ARHGEF3: variants seen among roughly 807,000 people sequenced by gnomAD.
ARHGEF3 encodes Rho guanine nucleotide exchange factor 3.
Under a neutral mutation model 63.2 loss-of-function variants are expected in ARHGEF3, and 28 were observed. The observed-to-expected ratio is 0.44, with a 90% CI of 0.33 to 0.61. ARHGEF3 has a LOEUF of 0.61. Among genes scored for constraint, ARHGEF3 ranks in the 20% least tolerant of loss-of-function variants. The probability of loss-of-function intolerance (pLI) is 0.03; values close to 1 mark genes in which losing one functional copy is unlikely to be tolerated. For synonymous variants in ARHGEF3, 266 were observed against 254.2 expected (o/e 1.05, Z -0.44); for missense variants, 533 against 659.3 (o/e 0.81, Z 2.10).
intron 2 of ARHGEF3, among the ~76,000 whole-genome samples, chr3:56,974,790 C>T (rs996499650): frequency 1.3e-5 from 2 of 152,166 alleles, no homozygotes; most frequent in Non-Finnish European, 2.9e-5. Context: ...AGCCTCACGT[C>T]CCTCCGGAAA....
intron 3 of ARHGEF3, among the ~76,000 whole-genome samples, chr3:56,926,466 C>T (rs9816849): frequency 0.022 from 3,340 of 152,332 alleles, 106 homozygotes; most frequent in African/African-American, 0.072. Context: ...TAGTCAGATG[C>T]TTTTCCTATG....
intron 1 of ARHGEF3, among the ~76,000 whole-genome samples, chr3:57,066,924 A>T (rs1194266149): frequency 6.6e-6 from 1 of 152,104 alleles, no homozygotes; most frequent in Non-Finnish European, 1.5e-5. Flanking sequence ...CCTGGCCTCC[A>T]CAATCACATG....
intron 1 of ARHGEF3, among the ~76,000 whole-genome samples, chr3:57,041,584 A>G (rs894537879): frequency 6.6e-6 from 1 of 152,160 alleles, no homozygotes; most frequent in Non-Finnish European, 1.5e-5. Flanking sequence ...AAACAACAAA[A>G]TCAAGACTCC....
At chr3:57,074,360 CA>C (rs1706109987) in intron 1 of ARHGEF3, 1 of 1,126,130 alleles carries the variant, frequency 8.9e-7, no homozygotes, top group Admixed American at 2.1e-5. Context: ...CCACCCCCAC[CA>C]GGGGTGACTC....
At chr3:56,985,721 C>T (rs1291409611) in intron 2 of ARHGEF3, among the ~76,000 whole-genome samples, 3 of 152,234 alleles carry the variant, frequency 2.0e-5, no homozygotes, top group Non-Finnish European at 2.9e-5. Flanking sequence ...CCTCGATCCC[C>T]TCACGCACAT....
In ARHGEF3 at chr3:57,074,178, C is replaced by T. The variant is rs748540996; in HGVS notation, c.-28+5048G>A. The T allele has an allele frequency of 5.4e-5, 87 of 1,613,982 alleles. 1 individual carries two copies. The East Asian group carries it at 1.1e-3, about 20-fold the overall frequency. On this transcript the variant is annotated intron_variant, in intron 1 of 12. Transcript: ENST00000338458. ...CGAGCCCAGTAGCACAGGGTGCAGC[C>T]GTTCAAACCAACTGACATTTACTGA...
chr3:56,743,369 C>A (rs193136486), intron 7 of ARHGEF3, among the ~76,000 whole-genome samples: 80 of 152,312 alleles, frequency 5.3e-4, no homozygotes, highest in African/African-American at 1.9e-3. Context: ...AAGTAGTGGG[C>A]AGGCTTTCTG....
chr3:57,071,587 A>G (rs942561911), intron 1 of ARHGEF3, among the ~76,000 whole-genome samples: 9 of 151,562 alleles, frequency 5.9e-5, no homozygotes, highest in Non-Finnish European at 5.9e-5. Context: ...TTGAAACCGG[A>G]AGGTGGAGGT....
chr3:56,773,864 A>G (rs772338861), intron 1 of ARHGEF3, 48 bp from the exon 2 acceptor site: 1 of 1,442,056 alleles, frequency 6.9e-7, no homozygotes, highest in African/African-American at 1.4e-5. Context: ...GTCAATTGCA[A>G]AGACAACATA....
chr3:56,929,790 C>T (rs562513702), intron 3 of ARHGEF3, among the ~76,000 whole-genome samples: 1 of 152,178 alleles, frequency 6.6e-6, no homozygotes, highest in Non-Finnish European at 1.5e-5. Flanking sequence ...TTATTAGTAG[C>T]TAACAGGATG....
At chr3:57,008,302 G>A (rs1202189738) in intron 2 of ARHGEF3, among the ~76,000 whole-genome samples, 1 of 152,018 alleles carries the variant, frequency 6.6e-6, no homozygotes, top group African/African-American at 2.4e-5. Context: ...CCACGCTCAC[G>A]CTTCCTGGGG....
At chr3:56,795,865 C>G (rs903927451) in intron 1 of ARHGEF3, among the ~76,000 whole-genome samples, 2 of 151,808 alleles carry the variant, frequency 1.3e-5, no homozygotes, top group Non-Finnish European at 2.9e-5. Context: ...GTCTTGAACC[C>G]CTGACCTCGT....
intron 7 of ARHGEF3, 62 bp downstream of exon 7, chr3:56,745,143 C>A: frequency 6.4e-7 from 1 of 1,562,294 alleles, no homozygotes; most frequent in Non-Finnish European, 8.7e-7. Flanking sequence ...CCCACTGACC[C>A]AATCCACCAG....
At chr3:56,877,942 G>C (rs551440381) in intron 4 of ARHGEF3, among the ~76,000 whole-genome samples, 18 of 152,200 alleles carry the variant, frequency 1.2e-4, no homozygotes, top group African/African-American at 4.1e-4. Flanking sequence ...AAAATTAAAG[G>C]TTTGTATATA....
In ARHGEF3 at chr3:56,729,275, C is replaced by T. The variant is rs148484521; in HGVS notation, c.1576G>A (p.Val526Ile). 323 of 1,609,426 alleles carry T rather than the reference C, an allele frequency of 2.0e-4. No individual in the cohort carries two copies. Among genetic ancestry groups the T allele is most frequent in the Non-Finnish European group, 2.6e-4 (302 of 1,177,250 alleles). Residue 526 changes from valine (V) to isoleucine (I), a missense_variant, in exon 10 of 10, where the codon GTC (valine) becomes ATC (isoleucine). This residue lies in a region of ARHGEF3 where 115 missense variants were observed against 103.4 expected (regional missense o/e 1.11). Transcript: ENST00000296315. ...CCGAAGTGCACATGCTTCTGTCAGA[C>T]GTTACTTTCACCGTGCCTGCTGTTT... is the stretch of plus-strand genomic sequence containing the variant. ...CGNSRHGESN[V>I]
At chr3:56,896,691 T>C (rs561509373) in intron 3 of ARHGEF3, among the ~76,000 whole-genome samples, 66 of 152,364 alleles carry the variant, frequency 4.3e-4, no homozygotes, top group African/African-American at 1.5e-3. Context: ...ATAATTTCCC[T>C]ACCTGAGGGT....
chr3:57,039,392 G>A (rs1054854886), intron 1 of ARHGEF3, among the ~76,000 whole-genome samples: 18 of 152,190 alleles, frequency 1.2e-4, no homozygotes, highest in African/African-American at 4.1e-4. Context: ...TTGGAAGACC[G>A]TGACAATGTC....
At chr3:56,810,399 C>T (rs1459053025) in intron 4 of ARHGEF3, among the ~76,000 whole-genome samples, 3 of 152,064 alleles carry the variant, frequency 2.0e-5, no homozygotes, top group Non-Finnish European at 4.4e-5. Flanking sequence ...GACAAAGTAA[C>T]TGGCATGGTG....
intron 2 of ARHGEF3, among the ~76,000 whole-genome samples, chr3:57,014,131 G>A (rs1474450087): frequency 6.6e-6 from 1 of 152,110 alleles, no homozygotes; most frequent in Non-Finnish European, 1.5e-5. Context: ...CTTAAGAGCT[G>A]TAACACTCAG....
Sources: allele counts gnomAD v4.1 joint callset (sites outside exome capture counted in the v4.1 genomes callset), GRCh38; gene constraint gnomAD v4.1.1; regional missense constraint gnomAD v4.1.1; transcripts MANE v1.5; gene names NCBI Gene and HGNC (gene_info 2026-07-23, HGNC 2026-07-21).